CTNNA3: variants seen among roughly 807,000 people sequenced by gnomAD.
CTNNA3 encodes catenin alpha 3.
CTNNA3 carries 76 observed loss-of-function variants against 95.7 expected under a neutral mutation model. The ratio of observed to expected loss-of-function variants is 0.79; its 90% CI spans 0.66 to 0.96. The LOEUF (loss-of-function observed/expected upper bound fraction) is 0.96. Among genes scored for constraint, CTNNA3 ranks in the 40% least tolerant of loss-of-function variants. CTNNA3 has a pLI of 0.00. For synonymous variants in CTNNA3, 431 were observed against 374.4 expected, an observed-to-expected ratio of 1.15 and a Z score of -1.74; for missense variants, 1,191 against 1,089.8, an observed-to-expected ratio of 1.09 and a Z score of -1.31.
At chr10:67,172,858 C>T (rs1159703761) in intron 7 of CTNNA3, among the ~76,000 whole-genome samples, 2 of 151,824 alleles carry the variant, frequency 1.3e-5, no homozygotes, top group Admixed American at 1.3e-4. Flanking sequence ...ACATGTAATC[C>T]CAGCTGCTCG....
intron 1 of CTNNA3, among the ~76,000 whole-genome samples, chr10:67,658,368 T>A (rs7094044): frequency 6.6e-6 from 1 of 151,990 alleles, no homozygotes; most frequent in Admixed American, 6.6e-5. Context: ...GATATCATTA[T>A]CCCCTTTTAA....
At position 67,615,469 on chromosome 10, in the gene CTNNA3, C is replaced by G. The variant is rs187680138; in HGVS notation, c.100-8420G>C. Among the ~76,000 whole-genome samples the G allele has an allele frequency of 3.6e-3, 546 of 152,300 alleles. 2 individuals are homozygous for G. The highest frequency in any genetic ancestry group is 4.7e-3 in the Non-Finnish European group (318 of 68,032). On this transcript the variant is annotated intron_variant, in intron 2 of 17. Transcript: ENST00000433211. The stretch of plus-strand genomic sequence containing the variant: ...GAGAATAATACCAAATTAGTTTCTT[C>G]TAGTTTTCACTTAACCACTTACCAT...
chr10:66,862,677 T>G (rs1034998057), intron 7 of CTNNA3, among the ~76,000 whole-genome samples: 1 of 152,282 alleles, frequency 6.6e-6, no homozygotes, highest in African/African-American at 2.4e-5. Flanking sequence ...AGGACAGTAG[T>G]AAAAGATGAA....
intron 2 of CTNNA3, among the ~76,000 whole-genome samples, chr10:67,639,837 C>A (rs575271851): frequency 1.3e-5 from 2 of 151,934 alleles, no homozygotes; most frequent in Non-Finnish European, 2.9e-5. Context: ...CAATAAATTA[C>A]GTATTGATGG....
chr10:67,718,353 T>C (rs904558407), intron 1 of CTNNA3, among the ~76,000 whole-genome samples: 1 of 152,104 alleles, frequency 6.6e-6, no homozygotes, highest in Non-Finnish European at 1.5e-5. Context: ...AATACTATGT[T>C]GAGTAGTGGT....
At chr10:66,882,384 G>C (rs1383505183) in intron 7 of CTNNA3, among the ~76,000 whole-genome samples, 1 of 152,066 alleles carries the variant, frequency 6.6e-6, no homozygotes, top group Non-Finnish European at 1.5e-5. Context: ...CAGTGCTTTT[G>C]GCCTTGAATT....
chr10:67,690,659 C>T (rs28367523), intron 1 of CTNNA3, among the ~76,000 whole-genome samples: 35,960 of 152,064 alleles, frequency 0.24, 5,104 homozygotes, highest in East Asian at 0.52. Flanking sequence ...TTTACAATCC[C>T]TTAGCTATTC....
chr10:67,021,902 C>T (rs1356535294), intron 7 of CTNNA3, among the ~76,000 whole-genome samples: 1 of 152,134 alleles, frequency 6.6e-6, no homozygotes, highest in Non-Finnish European at 1.5e-5. Context: ...AAGAAGGATG[C>T]AGACTTAGAG....
rs546444908 is a variant in CTNNA3 at position 66,617,347 on chromosome 10, A to T, written c.1374+4345T>A. ...TCCAAACTGAATCCAGCAGCACATCAAAAAGCTTATCCACCATGATCAAGT... is the reference window on the plus strand; with the variant it reads ...TCCAAACTGAATCCAGCAGCACATCTAAAAGCTTATCCACCATGATCAAGT... On this transcript the variant is annotated intron_variant, in intron 10 of 17. Coordinates refer to ENST00000433211, the MANE Select transcript of CTNNA3 (RefSeq NM_013266.4). Among the ~76,000 whole-genome samples the T allele has an allele frequency of 3.9e-3, 593 of 151,652 alleles. 4 individuals are homozygous for T. Among genetic ancestry groups the T allele is most frequent in the African/African-American group, 0.014 (567 of 41,540 alleles).
At chr10:67,735,806 G>A (rs988671232) in intron 1 of CTNNA3, among the ~76,000 whole-genome samples, 1 of 152,024 alleles carries the variant, frequency 6.6e-6, no homozygotes, top group Non-Finnish European at 1.5e-5. Flanking sequence ...CTACTTCTAG[G>A]TATATACCCA....
chr10:66,436,150 T>C (rs967708868), intron 11 of CTNNA3, among the ~76,000 whole-genome samples: 1 of 152,194 alleles, frequency 6.6e-6, no homozygotes, highest in Non-Finnish European at 1.5e-5. Flanking sequence ...ATGTATATTC[T>C]GTTGATTTGA....
intron 7 of CTNNA3, among the ~76,000 whole-genome samples, chr10:67,083,313 C>A (rs12243469): frequency 0.16 from 24,756 of 151,910 alleles, 3,072 homozygotes; most frequent in African/African-American, 0.36. Context: ...GAAGACCAAG[C>A]AATCAATATA....
chr10:67,740,585 A>T (rs1164904102), intron 1 of CTNNA3, among the ~76,000 whole-genome samples: 5 of 151,674 alleles, frequency 3.3e-5, no homozygotes, highest in African/African-American at 9.6e-5. Context: ...CCATCACAGA[A>T]ATGCAAATCA....
chr10:66,075,312 G>T (rs939392758), intron 14 of CTNNA3, among the ~76,000 whole-genome samples: 1 of 151,712 alleles, frequency 6.6e-6, no homozygotes, highest in Non-Finnish European at 1.5e-5. Flanking sequence ...TGCAGAAATT[G>T]TTGTCATACA....
intron 9 of CTNNA3, among the ~76,000 whole-genome samples, chr10:66,714,664 T>C (rs1487584659): frequency 6.6e-6 from 1 of 152,148 alleles, no homozygotes; most frequent in Non-Finnish European, 1.5e-5. Context: ...ACTCAGGAGT[T>C]GTTAGAAATG....
chr10:66,235,975 C>T lies in CTNNA3; in HGVS notation c.1884+44495G>A, dbSNP rs74748997. 3.1e-3 allele frequency among the ~76,000 whole-genome samples: 475 copies of T among 152,228 alleles called. 5 individuals carry two copies. Among genetic ancestry groups the T allele is most frequent in the African/African-American group, 0.011 (455 of 41,536 alleles). On this transcript the variant is annotated intron_variant, in intron 13 of 17. Transcript: ENST00000433211. ...CTCATAGTAGCACTTTTGACACATC[C>T]ATTTCCCATTTTTGGTTTTGGAAAA...
intron 13 of CTNNA3, among the ~76,000 whole-genome samples, chr10:66,174,075 C>A (rs10996951): frequency 1.3e-5 from 2 of 152,236 alleles, no homozygotes; most frequent in East Asian, 3.9e-4. Flanking sequence ...CCACTACAGT[C>A]CTGTGACATA....
chr10:66,116,344 A>G (rs1045578910), intron 13 of CTNNA3, among the ~76,000 whole-genome samples: 1 of 152,168 alleles, frequency 6.6e-6, no homozygotes, highest in Non-Finnish European at 1.5e-5. Flanking sequence ...TATTAAATAT[A>G]TACACACCAT....
intron 7 of CTNNA3, among the ~76,000 whole-genome samples, chr10:67,118,858 A>G (rs867542481): frequency 6.6e-6 from 1 of 152,038 alleles, no homozygotes; most frequent in African/African-American, 2.4e-5. Context: ...ATTAATAAGA[A>G]TCAGAACTGT....
Sources: gnomAD v4.1 joint callset for allele counts (sites outside exome capture counted in the v4.1 genomes callset) on GRCh38, gnomAD v4.1.1 for gene constraint, MANE v1.5 for transcripts, NCBI Gene and HGNC (gene_info 2026-07-23, HGNC 2026-07-21) for gene names.